SSBP3: variants seen among roughly 807,000 people sequenced by gnomAD.
The protein encoded by SSBP3 is single stranded DNA binding protein 3.
A neutral mutation model predicts 69.6 loss-of-function variants in SSBP3; 5 were observed. That is an observed-to-expected ratio of 0.07 (90% confidence interval 0.04 to 0.15). The LOEUF (loss-of-function observed/expected upper bound fraction) is 0.15, where lower values mean the gene tolerates loss of function less well. SSBP3 is among the 10% of genes least tolerant of loss of function. The pLI is 1.00. For missense variants in SSBP3, 312 were observed against 534.0 expected (o/e 0.58, Z 4.10); for synonymous variants, 196 against 193.4 (o/e 1.01, Z -0.11).
chr1:54,401,315 CT>C (rs1462372005), intron 4 of SSBP3, among the ~76,000 whole-genome samples: 1 of 152,050 alleles, frequency 6.6e-6, no homozygotes, highest in African/African-American at 2.4e-5. Flanking sequence ...AGATTATGAA[CT>C]AGCTGAGGAT....
At chr1:54,288,764 C>A (rs1274006333) in intron 4 of SSBP3, among the ~76,000 whole-genome samples, 1 of 151,988 alleles carries the variant, frequency 6.6e-6, no homozygotes, top group African/African-American at 2.4e-5. Flanking sequence ...AAAACAAAAC[C>A]ACAGTCCACT....
At chr1:54,378,523 C>G (rs1393350830) in intron 4 of SSBP3, among the ~76,000 whole-genome samples, 1 of 152,214 alleles carries the variant, frequency 6.6e-6, no homozygotes, top group Non-Finnish European at 1.5e-5. Context: ...GCCCCCAATC[C>G]CTCTGGCTGG....
chr1:54,402,442 C>T (rs1332742926), intron 3 of SSBP3, among the ~76,000 whole-genome samples: 3 of 152,140 alleles, frequency 2.0e-5, no homozygotes, highest in Admixed American at 6.6e-5. Context: ...TCATATATGC[C>T]GCGATTTGGA....
chr1:54,401,382 A>ACACACACACACACG lies in SSBP3; in HGVS notation c.276+478_276+479insCGTGTGTGTGTGTG, dbSNP rs1463335920. Among the ~76,000 whole-genome samples the ACACACACACACACG allele has an allele frequency of 9.9e-5, 15 of 151,156 alleles. No homozygotes were observed. In the East Asian group the frequency reaches 2.7e-3, roughly 27 times the overall value. ...GTATGAGCCCACCCACACCAAACACACACACACACACACACACACACCCAT... is the reference window on the plus strand; with the variant it reads ...GTATGAGCCCACCCACACCAAACACACACACACACACACGCACACACACACACACACACACCCAT... On this transcript the variant is annotated intron_variant, in intron 4 of 17. Transcript: ENST00000610401.
In SSBP3 at chr1:54,295,780, T is replaced by G. The variant is rs115292417; in HGVS notation, c.277-14253A>C. On this transcript the variant is annotated intron_variant, in intron 4 of 17. Transcript: ENST00000610401. ...GGGACACTAGCTGGTCCCCAGCCTT[T>G]GCACATGCCCTTCTCCCCTCCATCT... Among the ~76,000 whole-genome samples the G allele has an allele frequency of 5.4e-3, 830 of 152,316 alleles. 2 individuals carry two copies. The highest frequency in any genetic ancestry group is 8.5e-3 in the Non-Finnish European group (575 of 68,030).
chr1:54,330,922 A>G (rs996008084), intron 4 of SSBP3, among the ~76,000 whole-genome samples: 2 of 152,200 alleles, frequency 1.3e-5, no homozygotes, highest in Admixed American at 1.3e-4. Context: ...CCCCCAATGC[A>G]TGATTCGGCA....
chr1:54,327,111 A>G (rs1328582302), intron 4 of SSBP3, among the ~76,000 whole-genome samples: 1 of 152,008 alleles, frequency 6.6e-6, no homozygotes, highest in Non-Finnish European at 1.5e-5. Flanking sequence ...CAGCCTCTCT[A>G]GGATCTTACC....
At chr1:54,350,868 T>G (rs1334101967) in intron 4 of SSBP3, among the ~76,000 whole-genome samples, 1 of 152,036 alleles carries the variant, frequency 6.6e-6, no homozygotes, top group African/African-American at 2.4e-5. Flanking sequence ...CAGGGTCTCA[T>G]TCTGTCACCA....
intron 3 of SSBP3, 28 bp downstream of exon 3, chr1:54,404,548 C>G (rs780720130): frequency 6.2e-6 from 10 of 1,612,368 alleles, no homozygotes; most frequent in Non-Finnish European, 8.5e-6. Flanking sequence ...AAAACAAACA[C>G]ACATGCAAAA....
intron 4 of SSBP3, among the ~76,000 whole-genome samples, chr1:54,344,061 G>A (rs1646651156): frequency 1.3e-5 from 2 of 152,196 alleles, no homozygotes; most frequent in Admixed American, 1.3e-4. Flanking sequence ...ACCTGGGGGT[G>A]CGGGGCATGA....
At chr1:54,238,925 C>A in intron 14 of SSBP3, 1 of 382,992 alleles carries the variant, frequency 2.6e-6, no homozygotes, top group Non-Finnish European at 5.2e-6. Context: ...TGGGCATCGT[C>A]CCACCCCTTC....
At chr1:54,252,005 G>A in intron 7 of SSBP3, 145 bp from the exon 8 acceptor site, 2 of 710,102 alleles carry the variant, frequency 2.8e-6, no homozygotes, top group Admixed American at 2.1e-5. Flanking sequence ...CCTGCCAGTG[G>A]GAGAAGGTTA....
chr1:54,313,318 A>C (rs1646037931), intron 4 of SSBP3, among the ~76,000 whole-genome samples: 1 of 151,750 alleles, frequency 6.6e-6, no homozygotes, highest in Admixed American at 6.6e-5. Context: ...CTGGGAGCAC[A>C]GTCTATAACC....
At chr1:54,411,630 C>T (rs1203944699) in intron 1 of SSBP3, among the ~76,000 whole-genome samples, 2 of 152,022 alleles carry the variant, frequency 1.3e-5, no homozygotes, top group South Asian at 2.1e-4. Context: ...CGGTGGTTCA[C>T]GCCTGTAATC....
chr1:54,375,759 C>G (rs190960017), intron 4 of SSBP3, among the ~76,000 whole-genome samples: 201 of 152,338 alleles, frequency 1.3e-3, no homozygotes, highest in African/African-American at 4.5e-3. Flanking sequence ...ACAGCCAGAG[C>G]CTTCCTCTGG....
chr1:54,229,016 G>A (rs1644336005), intron 14 of SSBP3, among the ~76,000 whole-genome samples, 190 bp from the exon 15 acceptor site: 1 of 152,228 alleles, frequency 6.6e-6, no homozygotes, highest in African/African-American at 2.4e-5. Flanking sequence ...CTAAGCTGCA[G>A]GGCAGAGGTG....
chr1:54,308,872 A>G (rs1645948371), intron 4 of SSBP3, among the ~76,000 whole-genome samples: 1 of 151,956 alleles, frequency 6.6e-6, no homozygotes, highest in Admixed American at 6.6e-5. Context: ...CTTTAAGAAT[A>G]CCTGAGCTTC....
In SSBP3 at chr1:54,401,400, A is replaced by C. The variant is rs184933282; in HGVS notation, c.276+461T>G. 2.6e-3 allele frequency among the ~76,000 whole-genome samples: 394 copies of C among 152,016 alleles called. 1 individual carries two copies. The highest frequency in any genetic ancestry group is 6.0e-3 in the African/African-American group (250 of 41,460). The stretch of plus-strand genomic sequence containing the variant: ...CAAACACACACACACACACACACAC[A>C]CACCCATAATTTGAAAGATCGCTCT... On this transcript the variant is annotated intron_variant, in intron 4 of 17. Transcript: ENST00000610401.
intron 12 of SSBP3, among the ~76,000 whole-genome samples, 185 bp from the exon 13 acceptor site, chr1:54,241,144 T>C (rs749474949): frequency 2.6e-5 from 4 of 152,170 alleles, no homozygotes; most frequent in Non-Finnish European, 5.9e-5. Context: ...ATGTCCCCTG[T>C]CCCTTTCTTC....
Sources: gnomAD v4.1 joint callset for allele counts (sites outside exome capture counted in the v4.1 genomes callset) on GRCh38, gnomAD v4.1.1 for gene constraint, MANE v1.5 for transcripts, NCBI Gene and HGNC (gene_info 2026-07-23, HGNC 2026-07-21) for gene names.